Variants in MAGT1 observed in about 807,000 individuals in gnomAD.
The protein encoded by MAGT1 is magnesium transporter 1.
MAGT1 carries 4 observed loss-of-function variants against 28.4 expected under a neutral mutation model. The observed-to-expected ratio is 0.14, with a 90% confidence interval of 0.07 to 0.32. The LOEUF (loss-of-function observed/expected upper bound fraction) is 0.32, where lower values mean the gene tolerates loss of function less well. Among genes scored for constraint, MAGT1 ranks in the 10% least tolerant of loss-of-function variants. MAGT1 has a pLI of 1.00. For missense variants in MAGT1, 193 were observed against 264.5 expected (o/e 0.73, Z 1.88); for synonymous variants, 89 against 89.7 (o/e 0.99, Z 0.04).
chrX:77,869,727 A>G (rs1319580856), intron 3 of MAGT1, among the ~76,000 whole-genome samples: 1 of 111,047 alleles, frequency 9.0e-6, no homozygotes, highest in African/African-American at 3.3e-5. Context: ...AAAAAAACAC[A>G]AAAAACAAAA....
Position 77,870,889 on chromosome X carries a change from G to A in MAGT1, c.309C>T (p.Ser103=), listed in dbSNP as rs782764244. 7 of 1,210,388 alleles carry A rather than the reference G, an allele frequency of 5.8e-6. No individual in the cohort carries two copies. The highest frequency in any genetic ancestry group is 7.8e-6 in the Non-Finnish European group (7 of 894,128). ...ADEEFQILAN[S]WRYSSAFTNR... Reference sequence around the variant, plus strand: ...TGGTGAATGCACTGGAGTATCGCCAGGAGTTTGCCAGGATCTGGAATTCTT... The same window carrying A: ...TGGTGAATGCACTGGAGTATCGCCAAGAGTTTGCCAGGATCTGGAATTCTT... The change falls in exon 3 of 10, where the codon TCC becomes TCT. Residue 103 remains serine, a synonymous_variant. Transcript: ENST00000618282.
chrX:77,830,029 T>C (rs1429310984), intron 9 of MAGT1, among the ~76,000 whole-genome samples: 6 of 112,792 alleles, frequency 5.3e-5, no homozygotes, highest in African/African-American at 1.9e-4. Context: ...CATATCTGAA[T>C]TACAGCTGTT....
intron 7 of MAGT1, among the ~76,000 whole-genome samples, chrX:77,844,736 C>T (rs1188097977): frequency 2.7e-5 from 3 of 111,493 alleles, no homozygotes; most frequent in African/African-American, 9.8e-5. Flanking sequence ...TGTTCAGTTT[C>T]CATGTAGTTG....
At chrX:77,868,507 G>T (rs2077012864) in intron 3 of MAGT1, 1 of 148,641 alleles carries the variant, frequency 6.7e-6, no homozygotes, top group Admixed American at 7.3e-5. Context: ...CGTGGTGGTG[G>T]GCACCTGTAA....
intron 8 of MAGT1, among the ~76,000 whole-genome samples, chrX:77,840,669 C>T (rs1197147972): frequency 9.0e-6 from 1 of 110,782 alleles, no homozygotes; most frequent in African/African-American, 3.3e-5. Flanking sequence ...GTGACAAAAC[C>T]CCATCTCTAC....
At chrX:77,847,504 T>C (rs1427363185) in intron 7 of MAGT1, among the ~76,000 whole-genome samples, 1 of 112,131 alleles carries the variant, frequency 8.9e-6, no homozygotes, top group Non-Finnish European at 1.9e-5. Context: ...AATGCAGAAA[T>C]CACCCGTCTT....
upstream of MAGT1, chrX:77,895,566 C>T: frequency 2.0e-6 from 2 of 1,013,457 alleles, no homozygotes; most frequent in Non-Finnish European, 2.6e-6. Flanking sequence ...GCTGGCGCTA[C>T]ACGCCCGCTA....
chrX:77,863,872 A>C (rs1292152100), intron 3 of MAGT1, among the ~76,000 whole-genome samples: 1 of 110,778 alleles, frequency 9.0e-6, no homozygotes, highest in Non-Finnish European at 1.9e-5. Flanking sequence ...AAATACAAAA[A>C]AATTAGCCAG....
intron 8 of MAGT1, among the ~76,000 whole-genome samples, chrX:77,833,336 T>C (rs1557213570): frequency 8.9e-6 from 1 of 112,466 alleles, no homozygotes; most frequent in East Asian, 2.8e-4. Context: ...TGGACTGATG[T>C]CTAGTATATT....
At chrX:77,883,808 G>T (rs1372196200) in intron 1 of MAGT1, among the ~76,000 whole-genome samples, 1 of 109,547 alleles carries the variant, frequency 9.1e-6, no homozygotes, top group African/African-American at 3.3e-5. Flanking sequence ...CTCCCAAAGT[G>T]CTGGGATTAC....
Position 77,852,360 on chromosome X carries a change from C to T in MAGT1, c.826+1541G>A, listed in dbSNP as rs960606018. On this transcript the variant is annotated intron_variant, in intron 7 of 9. Coordinates refer to ENST00000618282, the MANE Select transcript of MAGT1 (RefSeq NM_001367916.1). ...TAAGAACATTTTCCCAAATATCCTT[C>T]AATTAAAATCAGTTAAAATCAAAAG... is the stretch of plus-strand genomic sequence containing the variant. Among the ~76,000 whole-genome samples, 13 of 112,057 alleles carry T rather than the reference C, an allele frequency of 1.2e-4. No individual in the cohort carries two copies. The East Asian group carries it at 3.3e-3, about 29-fold the overall frequency.
intron 3 of MAGT1, among the ~76,000 whole-genome samples, chrX:77,859,744 G>A (rs2076989974): frequency 1.8e-5 from 2 of 110,806 alleles, no homozygotes; most frequent in East Asian, 2.8e-4. Context: ...GTGGGTGCCT[G>A]TAATCCCAGT....
chrX:77,856,561 A>G, intron 5 of MAGT1, 172 bp downstream of exon 5: 1 of 470,876 alleles, frequency 2.1e-6, no homozygotes, highest in Non-Finnish European at 3.6e-6. Context: ...GGCCATCCTT[A>G]TGAGATAATG....
chrX:77,867,974 T>G (rs782696057), intron 3 of MAGT1: 1 of 66,814 alleles, frequency 1.5e-5, no homozygotes, highest in African/African-American at 3.5e-5. Flanking sequence ...AAAAGGTTAC[T>G]GCATTAGCTT....
chrX:77,894,315 GT>G (rs1402008933), intron 1 of MAGT1, among the ~76,000 whole-genome samples: 1 of 112,035 alleles, frequency 8.9e-6, no homozygotes, highest in Non-Finnish European at 1.9e-5. Context: ...TCCTAGCTTA[GT>G]TTTTCTTCTT....
At chrX:77,849,231 C>G (rs2149015734) in intron 7 of MAGT1, among the ~76,000 whole-genome samples, 1 of 108,716 alleles carries the variant, frequency 9.2e-6, no homozygotes, top group South Asian at 4.1e-4. Context: ...CACGCAGCAC[C>G]ACACCCAGTT....
intron 3 of MAGT1, among the ~76,000 whole-genome samples, chrX:77,858,507 A>G (rs782131059): frequency 8.9e-6 from 1 of 111,904 alleles, no homozygotes; most frequent in South Asian, 3.7e-4. Flanking sequence ...TTATAATTTT[A>G]AAACCTCAGC....
intron 3 of MAGT1, among the ~76,000 whole-genome samples, chrX:77,865,207 C>T (rs1235044991): frequency 9.0e-6 from 1 of 111,703 alleles, no homozygotes; most frequent in Non-Finnish European, 1.9e-5. Context: ...CAACATTTAC[C>T]GAATACCCGT....
chrX:77,830,573 C>G (rs147679708), intron 9 of MAGT1, among the ~76,000 whole-genome samples: 38 of 110,085 alleles, frequency 3.5e-4, no homozygotes, highest in African/African-American at 1.2e-3. Context: ...CGAGATTGCG[C>G]CATTGCACTC....
Sources: gnomAD v4.1 joint callset for allele counts (sites outside exome capture counted in the v4.1 genomes callset) on GRCh38, gnomAD v4.1.1 for gene constraint, MANE v1.5 for transcripts, NCBI Gene and HGNC (gene_info 2026-07-23, HGNC 2026-07-21) for gene names.